The following BMPR1B variants were observed in gnomAD, a reference collection of about 807,000 sequenced individuals.
BMPR1B encodes bone morphogenetic protein receptor type 1B.
Under a neutral mutation model 59.1 loss-of-function variants are expected in BMPR1B, and 12 were observed. That is an observed-to-expected ratio of 0.20 (90% confidence interval 0.13 to 0.33). The LOEUF (loss-of-function observed/expected upper bound fraction) is 0.33, where lower values mean the gene tolerates loss of function less well. BMPR1B is among the 10% of genes least tolerant of loss of function. The pLI, the probability that BMPR1B is intolerant of heterozygous loss-of-function variation, is 1.00. For missense variants in BMPR1B, 550 were observed against 610.9 expected (o/e 0.90, Z 1.05); for synonymous variants, 237 against 207.3 (o/e 1.14, Z -1.23).
chr4:95,122,713 A>G (rs1233146418), intron 6 of BMPR1B, among the ~76,000 whole-genome samples: 1 of 152,088 alleles, frequency 6.6e-6, no homozygotes, highest in Non-Finnish European at 1.5e-5. Context: ...GTTTTTCTTC[A>G]TGTAACATAT....
intron 1 of BMPR1B, among the ~76,000 whole-genome samples, chr4:94,771,402 CT>C (rs1722181772): frequency 6.6e-6 from 1 of 152,056 alleles, no homozygotes; most frequent in South Asian, 2.1e-4. Flanking sequence ...ACAATCAGCC[CT>C]GGTGGTTCAT....
chr4:95,044,621 CA>C (rs1406963646), intron 3 of BMPR1B, among the ~76,000 whole-genome samples: 2 of 152,134 alleles, frequency 1.3e-5, no homozygotes, highest in African/African-American at 4.8e-5. Flanking sequence ...GCAATGAAAG[CA>C]GAGAGAAGAC....
intron 3 of BMPR1B, among the ~76,000 whole-genome samples, chr4:95,000,868 T>C (rs942181245): frequency 6.6e-6 from 1 of 152,194 alleles, no homozygotes; most frequent in Non-Finnish European, 1.5e-5. Flanking sequence ...TAGAAGTTTT[T>C]TGCCAACCAA....
intron 2 of BMPR1B, among the ~76,000 whole-genome samples, chr4:94,885,158 A>T (rs1361550248): frequency 1.3e-5 from 2 of 152,232 alleles, no homozygotes; most frequent in Non-Finnish European, 2.9e-5. Context: ...GAGGGAACCC[A>T]GCTGAGACCT....
At chr4:94,882,967 C>CGTGT (rs375751655) in intron 2 of BMPR1B, among the ~76,000 whole-genome samples, 34 of 136,832 alleles carry the variant, frequency 2.5e-4, no homozygotes, top group Admixed American at 4.6e-4. Context: ...TGTGTGTGTG[C>CGTGT]GTGTGTGTGT....
At chr4:94,978,207 C>T (rs1731101812) in intron 2 of BMPR1B, among the ~76,000 whole-genome samples, 1 of 152,200 alleles carries the variant, frequency 6.6e-6, no homozygotes, top group Non-Finnish European at 1.5e-5. Context: ...CAGTTATCTA[C>T]TGCTTTTTAA....
In BMPR1B at chr4:94,783,256, G is replaced by A. The variant is rs116603684; in HGVS notation, c.-183+25188G>A. ...CTAATTAGTTTCAGGCCACTCTGCT[G>A]GGGTAGTTTTTGAGGCCGGTGTTTG... On this transcript the variant is annotated intron_variant, in intron 1 of 12. Coordinates refer to ENST00000515059, the MANE Select transcript of BMPR1B (RefSeq NM_001203.3). Among the ~76,000 whole-genome samples, 131 of 152,294 alleles carry A rather than the reference G, an allele frequency of 8.6e-4. 1 individual carries two copies. Among genetic ancestry groups the A allele is most frequent in the African/African-American group, 2.8e-3 (116 of 41,566 alleles).
intron 1 of BMPR1B, among the ~76,000 whole-genome samples, chr4:94,860,089 C>T (rs1264955417): frequency 6.6e-6 from 1 of 152,118 alleles, no homozygotes; most frequent in African/African-American, 2.4e-5. Context: ...TCTCTCTTCA[C>T]AGATTATTCC....
At chr4:95,041,945 C>G (rs1725686254) in intron 3 of BMPR1B, among the ~76,000 whole-genome samples, 1 of 152,098 alleles carries the variant, frequency 6.6e-6, no homozygotes, top group African/African-American at 2.4e-5. Flanking sequence ...AGCTCCACCT[C>G]CCGGAGCTTC....
intron 8 of BMPR1B, among the ~76,000 whole-genome samples, chr4:95,127,232 A>T (rs940077560): frequency 2.6e-5 from 4 of 152,192 alleles, no homozygotes; most frequent in Admixed American, 2.6e-4. Flanking sequence ...CAATCTAAAA[A>T]GTTGGTATCT....
At chr4:94,796,025 T>A (rs1723179594) in intron 1 of BMPR1B, among the ~76,000 whole-genome samples, 1 of 151,678 alleles carries the variant, frequency 6.6e-6, no homozygotes. Flanking sequence ...AGTGCAATGA[T>A]GCAATCTCGG....
At position 94,940,347 on chromosome 4, in the gene BMPR1B, TGTAA is replaced by T. The variant is rs931187326; in HGVS notation, c.-112-55690_-112-55687del. Among the ~76,000 whole-genome samples the T allele has an allele frequency of 1.4e-4, 21 of 152,242 alleles. No individual in the cohort carries two copies. In the Middle Eastern group the frequency reaches 0.014, roughly 99 times the overall value. On this transcript the variant is annotated intron_variant, in intron 2 of 12. Transcript: ENST00000515059. Reference sequence around the variant, plus strand: ...TTTTTTTTAAGCTCACCACAGCTGTTGTAAGTGTTAGTATATTTTATGTGTGGCC... The same window carrying T: ...TTTTTTTTAAGCTCACCACAGCTGTTGTGTTAGTATATTTTATGTGTGGCC...
chr4:94,911,419 A>G (rs1292660527), intron 2 of BMPR1B, among the ~76,000 whole-genome samples: 1 of 152,050 alleles, frequency 6.6e-6, no homozygotes, highest in Admixed American at 6.6e-5. Flanking sequence ...AGGGGAAGAA[A>G]GCCAGCGAGA....
intron 3 of BMPR1B, among the ~76,000 whole-genome samples, chr4:95,014,833 G>A (rs1723474851): frequency 2.0e-5 from 3 of 152,132 alleles, no homozygotes; most frequent in African/African-American, 4.8e-5. Context: ...CCCAGTGACT[G>A]GTGGTTTAAA....
intron 3 of BMPR1B, among the ~76,000 whole-genome samples, chr4:95,057,197 T>G (rs914114266): frequency 5.3e-5 from 8 of 152,166 alleles, no homozygotes; most frequent in Non-Finnish European, 8.8e-5. Context: ...CTGCAGTCCC[T>G]AATGTTCCAA....
At chr4:94,888,693 T>C (rs1338479894) in intron 2 of BMPR1B, among the ~76,000 whole-genome samples, 1 of 152,092 alleles carries the variant, frequency 6.6e-6, no homozygotes, top group African/African-American at 2.4e-5. Context: ...GAAGGCTGAC[T>C]GTAAATTTTT....
At chr4:94,999,608 C>A (rs1272440509) in intron 3 of BMPR1B, among the ~76,000 whole-genome samples, 1 of 152,144 alleles carries the variant, frequency 6.6e-6, no homozygotes, top group African/African-American at 2.4e-5. Flanking sequence ...CAGCTAGTTG[C>A]TGTGGCCGTG....
intron 1 of BMPR1B, among the ~76,000 whole-genome samples, chr4:94,770,465 C>T (rs1234598124): frequency 6.6e-6 from 1 of 151,874 alleles, no homozygotes; most frequent in African/African-American, 2.4e-5. Flanking sequence ...GTATAGTAAC[C>T]CTATAGTTTT....
At chr4:95,005,272 T>A (rs1001624180) in intron 3 of BMPR1B, among the ~76,000 whole-genome samples, 2 of 152,216 alleles carry the variant, frequency 1.3e-5, no homozygotes, top group Non-Finnish European at 2.9e-5. Context: ...TATATTTTAA[T>A]AAAATATTTT....
Sources: gnomAD v4.1 joint callset for allele counts (sites outside exome capture counted in the v4.1 genomes callset) on GRCh38, gnomAD v4.1.1 for gene constraint, MANE v1.5 for transcripts, NCBI Gene and HGNC (gene_info 2026-07-23, HGNC 2026-07-21) for gene names.